Variants in HECW1 observed in about 807,000 individuals in gnomAD.
HECW1 encodes the protein HECT, C2 and WW domain containing E3 ubiquitin protein ligase 1, also known as E3 ubiquitin-protein ligase HECW1.
In HECW1, 61 loss-of-function variants were observed where a neutral mutation model predicts 182.3. That is an observed-to-expected ratio of 0.33 (90% CI 0.27 to 0.41). The LOEUF (loss-of-function observed/expected upper bound fraction) is 0.41. Among genes scored for constraint, HECW1 ranks in the 10% least tolerant of loss-of-function variants. HECW1 has a pLI of 1.00. For synonymous variants in HECW1, 859 were observed against 832.6 expected (o/e 1.03, Z -0.55); for missense variants, 1,739 against 2,108.9 (o/e 0.82, Z 3.44).
chr7:43,409,728 G>A (rs116403192), intron 8 of HECW1, among the ~76,000 whole-genome samples: 1 of 152,264 alleles, frequency 6.6e-6, no homozygotes, highest in South Asian at 2.1e-4. Flanking sequence ...GAGGATAACT[G>A]ATGTCCCAAG....
chr7:43,355,804 C>T (rs1234979147), intron 5 of HECW1, among the ~76,000 whole-genome samples: 1 of 152,126 alleles, frequency 6.6e-6, no homozygotes, highest in Non-Finnish European at 1.5e-5. Context: ...TCCTGGCCAA[C>T]ATGGTGAAAC....
intron 5 of HECW1, among the ~76,000 whole-genome samples, chr7:43,340,244 G>A (rs182546561): frequency 3.3e-5 from 4 of 122,008 alleles, no homozygotes; most frequent in South Asian, 2.6e-4. Context: ...TTTCTAAGAC[G>A]GAGTATCGCT....
intron 2 of HECW1, among the ~76,000 whole-genome samples, chr7:43,173,376 G>A (rs943022612): frequency 6.6e-6 from 1 of 152,204 alleles, no homozygotes; most frequent in Non-Finnish European, 1.5e-5. Context: ...GTGACCATGT[G>A]TTGCCTCCAG....
At chr7:43,438,199 C>T in intron 9 of HECW1, 54 bp downstream of exon 9, 1 of 1,543,968 alleles carries the variant, frequency 6.5e-7, no homozygotes, top group Non-Finnish European at 8.9e-7. Context: ...ACAGGTCGTG[C>T]CCAAAGGTGG....
intron 24 of HECW1, among the ~76,000 whole-genome samples, chr7:43,520,162 T>C (rs1201358052): frequency 6.6e-6 from 1 of 152,226 alleles, no homozygotes; most frequent in Non-Finnish European, 1.5e-5. Context: ...TGCTGGGTTC[T>C]ACAAACTGTT....
rs1292588853 is a variant in HECW1 at position 43,486,259 on chromosome 7, G to A, written c.3235-5816G>A. Among the ~76,000 whole-genome samples the A allele has an allele frequency of 4.0e-5, 6 of 151,664 alleles. No individual in the cohort carries two copies. In the East Asian group the frequency reaches 1.2e-3, roughly 29 times the overall value. ...ATATGTGCCACATTTTCTTTATCCA[G>A]TCTATCATTGATGGGCATTTGGGTT... On this transcript the variant is annotated intron_variant, in intron 17 of 29. Transcript: ENST00000395891.
chr7:43,514,233 G>A (rs1296325710), intron 24 of HECW1, among the ~76,000 whole-genome samples: 5 of 151,870 alleles, frequency 3.3e-5, no homozygotes, highest in African/African-American at 7.3e-5. Context: ...AGAACAGTAT[G>A]TGTCTGTTGT....
chr7:43,419,464 C>G (rs186263725), intron 8 of HECW1, among the ~76,000 whole-genome samples: 10 of 152,306 alleles, frequency 6.6e-5, no homozygotes, highest in Admixed American at 3.9e-4. Flanking sequence ...CATCTCTTCA[C>G]TGTACTTTAT....
chr7:43,252,871 G>A (rs1477898840), intron 3 of HECW1, among the ~76,000 whole-genome samples: 1 of 152,210 alleles, frequency 6.6e-6, no homozygotes, highest in Non-Finnish European at 1.5e-5. Flanking sequence ...GTCAATAAAA[G>A]ACAGTTGTTG....
chr7:43,386,294 T>C (rs564806686), intron 6 of HECW1, among the ~76,000 whole-genome samples: 110 of 152,350 alleles, frequency 7.2e-4, no homozygotes, highest in Admixed American at 1.8e-3. Context: ...CCTGAGCACA[T>C]ACACCACAGA....
In HECW1 at chr7:43,563,527, A is replaced by G. The variant is rs1447597401; in HGVS notation, c.*1601A>G. 1 of 195,256 alleles carries G rather than the reference A, an allele frequency of 5.1e-6. No individual in the cohort carries two copies. Among genetic ancestry groups the G allele is most frequent in the East Asian group, 8.0e-5 (1 of 12,462 alleles). 12.1% of individuals were successfully genotyped at this position (195,256 alleles called of 1,614,324 possible). On this transcript the variant is annotated 3_prime_UTR_variant, in exon 30 of 30. Coordinates refer to ENST00000395891, the MANE Select transcript of HECW1 (RefSeq NM_015052.5). ...GAATTTCATATGAAGCCAATGGCTC[A>G]TTATACCAGTTTGTGTCTGGACAGT...
At chr7:43,129,984 A>T (rs1183340921) in intron 2 of HECW1, among the ~76,000 whole-genome samples, 1 of 152,226 alleles carries the variant, frequency 6.6e-6, no homozygotes, top group African/African-American at 2.4e-5. Flanking sequence ...TTTTTCTCAA[A>T]TATTTTCAAT....
chr7:43,309,490 A>G (rs566403492), intron 3 of HECW1, among the ~76,000 whole-genome samples: 1 of 152,312 alleles, frequency 6.6e-6, no homozygotes, highest in South Asian at 2.1e-4. Context: ...TCTAGTTTCC[A>G]GGGGATTTTG....
rs910145013 is a variant in HECW1, at chr7:43,114,443, G to C, written c.-32+52G>C. The stretch of plus-strand genomic sequence containing the variant: ...TTTAAAAATGTGTGTTTTCCACTAA[G>C]AAGGGATTAGAGTCCACATGCCCAC... On this transcript the variant is annotated intron_variant, in intron 2 of 29. Transcript: ENST00000395891. The C allele has an allele frequency of 6.8e-6, 9 of 1,316,610 alleles. No homozygotes were observed. In the East Asian group the frequency reaches 3.3e-4, roughly 48 times the overall value. 81.6% of individuals were successfully genotyped at this position (1,316,610 alleles called of 1,614,324 possible).
intron 12 of HECW1, among the ~76,000 whole-genome samples, chr7:43,454,148 A>G (rs1005633225): frequency 6.6e-6 from 1 of 152,198 alleles, no homozygotes; most frequent in Middle Eastern, 3.2e-3. Context: ...ATAAAAGCCA[A>G]CCTTTGTCTG....
At chr7:43,523,113 C>G (rs953879272) in intron 24 of HECW1, 1 of 383,746 alleles carries the variant, frequency 2.6e-6, no homozygotes, top group African/African-American at 2.1e-5. Context: ...AAGCAATTCT[C>G]CTGCCTCAGC....
intron 3 of HECW1, among the ~76,000 whole-genome samples, chr7:43,259,636 G>GA (rs1285026233): frequency 6.6e-6 from 1 of 152,014 alleles, no homozygotes; most frequent in Non-Finnish European, 1.5e-5. Context: ...CCATAAAAAA[G>GA]AAACAAATGA....
At position 43,444,233 on chromosome 7, in the gene HECW1, C is replaced by T. The variant is rs1562982163; in HGVS notation, c.1061C>T (p.Ser354Phe). 1.2e-6 allele frequency: 2 copies of T among 1,605,264 alleles called. No homozygotes were observed. The highest frequency in any genetic ancestry group is 1.7e-6 in the Non-Finnish European group (2 of 1,173,698). ...SSIHPDDEEI[S>F]LSTEPESAQI... ...TTACCAGCAGATGATGAGGAGATTT[C>T]CCTGAGTACCGAGCCTGAGTCAGCC... The change falls in exon 11 of 30, where the codon TCC (serine) becomes TTC (phenylalanine). Residue 354 changes from serine to phenylalanine, a missense_variant. By Grantham distance (155) the Ser-to-Phe change is radical. Transcript: ENST00000395891. The surrounding 1 kb of genome is among the most constrained non-coding windows in gnomAD (Gnocchi z 4.3).
chr7:43,270,720 A>G (rs1802304395), intron 3 of HECW1, among the ~76,000 whole-genome samples: 1 of 152,254 alleles, frequency 6.6e-6, no homozygotes. Flanking sequence ...TAATTATTGA[A>G]CTAAAAAATT....
Sources: gnomAD v4.1 joint callset for allele counts (sites outside exome capture counted in the v4.1 genomes callset) on GRCh38, gnomAD v4.1.1 for gene constraint, Gnocchi (gnomAD v3.1) non-coding constraint, MANE v1.5 for transcripts, NCBI Gene and HGNC (gene_info 2026-07-23, HGNC 2026-07-21) for gene names.